Variants in PLBD1 observed in about 807,000 individuals in gnomAD.
PLBD1 encodes lysosomal leucine aminopeptidase.
A neutral mutation model predicts 63.0 loss-of-function variants in PLBD1; 60 were observed. The ratio of observed to expected loss-of-function variants is 0.95; its 90% CI spans 0.77 to 1.18. The LOEUF is 1.18. Ranked by LOEUF, PLBD1 falls within the 50% of genes most tolerant of loss-of-function variation. The probability of loss-of-function intolerance (pLI) is 0.00; values close to 1 mark genes in which losing one functional copy is unlikely to be tolerated. For synonymous variants in PLBD1, 262 were observed against 248.0 expected, an observed-to-expected ratio of 1.06 and a Z score of -0.53; for missense variants, 598 against 677.9, an observed-to-expected ratio of 0.88 and a Z score of 1.31.
At chr12:14,516,736 C>T (rs916493522) in intron 6 of PLBD1, among the ~76,000 whole-genome samples, 1 of 152,020 alleles carries the variant, frequency 6.6e-6, no homozygotes, top group African/African-American at 2.4e-5. Flanking sequence ...TTACTGGGAT[C>T]CTCAATTAAA....
intron 1 of PLBD1, among the ~76,000 whole-genome samples, chr12:14,565,048 G>T (rs544611621): frequency 1.3e-5 from 2 of 152,120 alleles, no homozygotes; most frequent in African/African-American, 4.8e-5. Flanking sequence ...AAAGATAAAC[G>T]CAACACCATA....
intron 1 of PLBD1, among the ~76,000 whole-genome samples, chr12:14,565,650 A>G (rs1296705524): frequency 1.3e-5 from 2 of 152,122 alleles, no homozygotes; most frequent in Admixed American, 6.6e-5. Context: ...ATGACAAGTG[A>G]GAGGTAGCAA....
chr12:14,540,661 G>T (rs561835444), intron 4 of PLBD1, 103 bp downstream of exon 4: 2 of 1,232,622 alleles, frequency 1.6e-6, no homozygotes, highest in South Asian at 4.5e-5. Flanking sequence ...TTATACTGTA[G>T]TTCTACTTTG....
intron 4 of PLBD1, among the ~76,000 whole-genome samples, 157 bp downstream of exon 4, chr12:14,540,607 G>T (rs1001455309): frequency 6.6e-6 from 1 of 152,118 alleles, no homozygotes; most frequent in Non-Finnish European, 1.5e-5. Flanking sequence ...TGTAAGTTAG[G>T]TGCTGCAATA....
intron 5 of PLBD1, 177 bp from the exon 6 acceptor site, chr12:14,535,980 A>C: frequency 1.7e-6 from 1 of 571,546 alleles, no homozygotes; most frequent in Non-Finnish European, 2.9e-6. Context: ...CCCCAAACAG[A>C]CTCTTCCTTC....
chr12:14,535,601 A>T, intron 6 of PLBD1, 58 bp downstream of exon 6: 1 of 1,567,854 alleles, frequency 6.4e-7, no homozygotes, highest in African/African-American at 1.4e-5. Context: ...CTGAATCACT[A>T]AGGTTTTATC....
intron 6 of PLBD1, among the ~76,000 whole-genome samples, chr12:14,514,277 C>T (rs530765266): frequency 2.6e-5 from 4 of 152,280 alleles, no homozygotes; most frequent in Non-Finnish European, 4.4e-5. Flanking sequence ...GGATTGCATT[C>T]GTGTCTTGGG....
intron 2 of PLBD1, among the ~76,000 whole-genome samples, chr12:14,549,019 C>T (rs1000889024): frequency 6.6e-6 from 1 of 152,158 alleles, no homozygotes; most frequent in Non-Finnish European, 1.5e-5. Flanking sequence ...ATTCATGAGA[C>T]ATCAAAGGCT....
chr12:14,525,682 A>AAC (rs57722328), intron 6 of PLBD1, among the ~76,000 whole-genome samples: 103 of 149,234 alleles, frequency 6.9e-4, no homozygotes, highest in Middle Eastern at 6.8e-3. Flanking sequence ...CTTACTTCTC[A>AAC]ACACACACAC....
At chr12:14,534,700 C>T (rs575535091) in intron 6 of PLBD1, among the ~76,000 whole-genome samples, 32 of 152,252 alleles carry the variant, frequency 2.1e-4, no homozygotes, top group African/African-American at 6.3e-4. Context: ...CCCGCCACCA[C>T]GCCTGGCTAA....
At chr12:14,507,925 T>C (rs145844351) in intron 8 of PLBD1, among the ~76,000 whole-genome samples, 9 of 152,292 alleles carry the variant, frequency 5.9e-5, no homozygotes, top group Non-Finnish European at 1.0e-4. Flanking sequence ...TACAGAACAG[T>C]CAAGGAATGT....
At chr12:14,531,759 T>C (rs548928946) in intron 6 of PLBD1, among the ~76,000 whole-genome samples, 180 of 152,210 alleles carry the variant, frequency 1.2e-3, no homozygotes, top group Non-Finnish European at 2.1e-3. Flanking sequence ...GCCTCCCAAA[T>C]AGCTGGGATT....
In PLBD1 at chr12:14,522,385, G is replaced by A. The variant is rs61922697; in HGVS notation, c.845-10674C>T. Among the ~76,000 whole-genome samples, 1,401 of 152,174 alleles carry A rather than the reference G, an allele frequency of 9.2e-3. 5 individuals carry two copies. The highest frequency in any genetic ancestry group is 0.016 in the Non-Finnish European group (1,064 of 67,988). ...TAGTAATAAAAAGTCTTCCAGAAAA[G>A]AAAAGCCGAAGACCCAATGGCCTCA... On this transcript the variant is annotated intron_variant, in intron 6 of 10. Transcript: ENST00000240617.
intron 4 of PLBD1, among the ~76,000 whole-genome samples, chr12:14,540,400 T>C (rs1049528944): frequency 6.6e-6 from 1 of 151,680 alleles, no homozygotes; most frequent in African/African-American, 2.4e-5. Flanking sequence ...TGTTGTGGAG[T>C]GTGGGAAACA....
At chr12:14,520,109 C>T (rs1248742786) in intron 6 of PLBD1, among the ~76,000 whole-genome samples, 1 of 152,196 alleles carries the variant, frequency 6.6e-6, no homozygotes, top group Middle Eastern at 3.2e-3. Context: ...CCTTGTAAGA[C>T]AGAAATGTTC....
At chr12:14,535,434 C>T (rs567607531) in intron 6 of PLBD1, among the ~76,000 whole-genome samples, 1 of 152,316 alleles carries the variant, frequency 6.6e-6, no homozygotes. Flanking sequence ...TTTACATTTA[C>T]AAAGTGTCTT....
chr12:14,506,378 C>T, intron 9 of PLBD1, 110 bp from the exon 10 acceptor site: 1 of 735,920 alleles, frequency 1.4e-6, no homozygotes, highest in Non-Finnish European at 2.2e-6. Flanking sequence ...GAGTGTACTC[C>T]CACAGGCCTC....
At chr12:14,510,890 C>T (rs1945292626) in intron 8 of PLBD1, among the ~76,000 whole-genome samples, 1 of 152,306 alleles carries the variant, frequency 6.6e-6, no homozygotes, top group Non-Finnish European at 1.5e-5. Flanking sequence ...CTGAGTCCTT[C>T]CAGGTCAGGG....
chr12:14,555,748 G>A (rs551775807), intron 1 of PLBD1, among the ~76,000 whole-genome samples: 2 of 152,112 alleles, frequency 1.3e-5, no homozygotes, highest in Non-Finnish European at 2.9e-5. Flanking sequence ...TTTTCCCTCT[G>A]GTTAGCCACC....
Sources: gnomAD v4.1 joint callset for allele counts (sites outside exome capture counted in the v4.1 genomes callset) on GRCh38, gnomAD v4.1.1 for gene constraint, MANE v1.5 for transcripts, NCBI Gene and HGNC (gene_info 2026-07-23, HGNC 2026-07-21) for gene names.